The following VCF2 variants were observed in gnomAD, a reference collection of about 807,000 sequenced individuals.
VCF2 encodes protein VCF2.
the VCF2 span, among the ~76,000 whole-genome samples, chrX:55,153,355 ATTTT>A: frequency 2.4e-5 from 2 of 84,495 alleles, no homozygotes; most frequent in Non-Finnish European, 4.8e-5. Context: ...TTATTTATTA[ATTTT>A]TTTTTTTTTT....
chrX:55,151,080 A>T, the VCF2 span, among the ~76,000 whole-genome samples: 1 of 112,187 alleles, frequency 8.9e-6, no homozygotes, highest in Non-Finnish European at 1.9e-5. Flanking sequence ...TCTGAAGCAT[A>T]TTTCTACCTG....
At chrX:55,154,685 T>C in the VCF2 span, among the ~76,000 whole-genome samples, 7 of 112,245 alleles carry the variant, frequency 6.2e-5, no homozygotes, top group Admixed American at 2.8e-4. Flanking sequence ...AGGGATTTGC[T>C]ATAATACATT....
chrX:55,156,303 C>T, the VCF2 span, among the ~76,000 whole-genome samples: 2 of 111,732 alleles, frequency 1.8e-5, no homozygotes, highest in African/African-American at 6.5e-5. Context: ...TCCATCCCTC[C>T]ATGCCTTACA....
the VCF2 span, among the ~76,000 whole-genome samples, chrX:55,148,231 A>AT: frequency 9.0e-6 from 1 of 110,971 alleles, no homozygotes; most frequent in Admixed American, 9.6e-5. Context: ...AACTTGTCAT[A>AT]TAATTTAAAA....
At chrX:55,147,611 G>A in the VCF2 span, among the ~76,000 whole-genome samples, 1 of 101,810 alleles carries the variant, frequency 9.8e-6, no homozygotes. Context: ...TGACAATTCG[G>A]TTCCTCTTAG....
the VCF2 span, chrX:55,160,720 A>G: frequency 1.4e-6 from 1 of 738,020 alleles, no homozygotes; most frequent in Non-Finnish European, 2.0e-6. Flanking sequence ...TCAGAGAAAC[A>G]GAAATACCAG....
chrX:55,151,923 G>A, the VCF2 span, among the ~76,000 whole-genome samples: 1 of 74,806 alleles, frequency 1.3e-5, no homozygotes, highest in Non-Finnish European at 2.3e-5. Flanking sequence ...ACGGAGTCTC[G>A]CTCTGTCGCC....
At chrX:55,155,799 G>A in the VCF2 span, among the ~76,000 whole-genome samples, 1 of 111,435 alleles carries the variant, frequency 9.0e-6, no homozygotes, top group Non-Finnish European at 1.9e-5. Context: ...AAATAGAACT[G>A]AGGAGATGAG....
chrX:55,157,424 T>G, the VCF2 span, among the ~76,000 whole-genome samples: 2 of 111,596 alleles, frequency 1.8e-5, no homozygotes, highest in South Asian at 7.5e-4. Context: ...TCCCAGCTAT[T>G]CCGGAGGCTG....
chrX:55,147,235 G>T, the VCF2 span, among the ~76,000 whole-genome samples: 1 of 111,596 alleles, frequency 9.0e-6, no homozygotes, highest in South Asian at 3.7e-4. Flanking sequence ...ACATTAGTAA[G>T]ATTTAAACCA....
chrX:55,151,238 G>C, the VCF2 span, among the ~76,000 whole-genome samples: 1 of 112,458 alleles, frequency 8.9e-6, no homozygotes, highest in Non-Finnish European at 1.9e-5. Context: ...TGGAATGGCA[G>C]ATCCAAACAG....
At chrX:55,144,490 A>G in the VCF2 span, among the ~76,000 whole-genome samples, 2 of 111,733 alleles carry the variant, frequency 1.8e-5, no homozygotes, top group Non-Finnish European at 3.8e-5. Flanking sequence ...CCTAAGTTTG[A>G]GGCCAATGTG....
chrX:55,145,523 ACTAGAGAGCAATTTCAACAGAACAT>A, the VCF2 span: 16 of 753,528 alleles, frequency 2.1e-5, no homozygotes, highest in Non-Finnish European at 2.5e-5. Context: ...TGCCATTACA[ACTAGAGAGCAATTTCAACAGAACAT>A]CTACCTTCTG....
At chrX:55,160,801 T>C in the VCF2 span, 12 of 1,145,184 alleles carry the variant, frequency 1.0e-5, no homozygotes, top group East Asian at 3.3e-4. Context: ...GTCCACTGAC[T>C]GAGTTTTCGC....
chrX:55,160,697 A>C, the VCF2 span: 1 of 598,830 alleles, frequency 1.7e-6, no homozygotes, highest in Non-Finnish European at 2.6e-6. Context: ...GTGGAGAAAG[A>C]TGACAAAACC....
the VCF2 span, among the ~76,000 whole-genome samples, chrX:55,156,369 A>G: frequency 3.6e-5 from 4 of 111,987 alleles, no homozygotes; most frequent in African/African-American, 9.7e-5. Context: ...TACATAGTCT[A>G]TCCCTGGAAT....
At chrX:55,145,939 A>G in the VCF2 span, 137 of 1,067,899 alleles carry the variant, frequency 1.3e-4, 1 homozygote, top group East Asian at 4.6e-3. Context: ...TTAAAAGTAC[A>G]ACAGTGAAGT....
At chrX:55,160,110 A>G in the VCF2 span, among the ~76,000 whole-genome samples, 1 of 112,272 alleles carries the variant, frequency 8.9e-6, no homozygotes, top group Admixed American at 9.4e-5. Context: ...AACTGCTCCT[A>G]TATTACACTC....
the VCF2 span, among the ~76,000 whole-genome samples, chrX:55,144,643 T>A: frequency 9.8e-5 from 11 of 111,980 alleles, no homozygotes; most frequent in Admixed American, 4.7e-4. Context: ...AAGATAGTGT[T>A]CATTTTCATA....
Sources: allele counts gnomAD v4.1 joint callset (sites outside exome capture counted in the v4.1 genomes callset), GRCh38; gene constraint gnomAD v4.1.1; transcripts MANE v1.5; gene names NCBI Gene and HGNC (gene_info 2026-07-23, HGNC 2026-07-21).